Variants in RBFOX1 observed in about 807,000 individuals in gnomAD.
RBFOX1 encodes the protein RNA binding fox-1 homolog 1, also known as RNA binding protein fox-1 homolog 1.
In RBFOX1, 8 loss-of-function variants were observed where a neutral mutation model predicts 57.7. The ratio of observed to expected loss-of-function variants is 0.14; its 90% CI spans 0.08 to 0.25. The LOEUF (loss-of-function observed/expected upper bound fraction) is 0.25. RBFOX1 is among the 10% of genes least tolerant of loss of function. The pLI is 1.00. For synonymous variants in RBFOX1, 326 were observed against 222.4 expected (o/e 1.47, Z -4.15); for missense variants, 611 against 548.5 (o/e 1.11, Z -1.14).
chr16:6,941,490 C>G (rs752578113), intron 3 of RBFOX1, among the ~76,000 whole-genome samples: 2 of 151,976 alleles, frequency 1.3e-5, no homozygotes, highest in Non-Finnish European at 2.9e-5. Context: ...AACTTTTGAT[C>G]TATTCTTTCT....
rs371218778 is a variant in RBFOX1, at chr16:6,430,121, A to C, written c.-64+113064A>C. On this transcript the variant is annotated intron_variant, in intron 2 of 15. Coordinates refer to ENST00000550418, the MANE Select transcript of RBFOX1 (RefSeq NM_018723.4). Reference sequence around the variant, plus strand: ...GAAACTCCATCTCAAGAAGAAAAAAAAAAAACAGAAAAACAAACAGAAAAA... The same window carrying C: ...GAAACTCCATCTCAAGAAGAAAAAACAAAAACAGAAAAACAAACAGAAAAA... Among the ~76,000 whole-genome samples the C allele has an allele frequency of 2.6e-5, 4 of 151,654 alleles. No homozygotes were observed. In the South Asian group the frequency reaches 6.2e-4, roughly 24 times the overall value.
intron 3 of RBFOX1, among the ~76,000 whole-genome samples, chr16:6,964,502 A>G (rs2083680127): frequency 6.6e-6 from 1 of 151,952 alleles, no homozygotes; most frequent in Non-Finnish European, 1.5e-5. Flanking sequence ...AACAAATTGC[A>G]CCTCTGGTAG....
chr16:6,728,971 G>A (rs765477059), intron 3 of RBFOX1, among the ~76,000 whole-genome samples: 3 of 152,172 alleles, frequency 2.0e-5, no homozygotes, highest in Admixed American at 6.5e-5. Flanking sequence ...AGTCAAAGTA[G>A]TGTCACTTTA....
At chr16:7,248,746 A>G (rs1306190425) in intron 4 of RBFOX1, among the ~76,000 whole-genome samples, 1 of 152,208 alleles carries the variant, frequency 6.6e-6, no homozygotes, top group Non-Finnish European at 1.5e-5. Flanking sequence ...AATTAGCATT[A>G]TCATTAATTG....
chr16:7,540,700 CTTG>C (rs1270348592), intron 5 of RBFOX1, among the ~76,000 whole-genome samples: 1 of 152,160 alleles, frequency 6.6e-6, no homozygotes, highest in Non-Finnish European at 1.5e-5. Context: ...GTTGTCTCTT[CTTG>C]AATGAGAAAT....
intron 4 of RBFOX1, among the ~76,000 whole-genome samples, chr16:7,267,599 A>G (rs978015407): frequency 3.3e-5 from 5 of 151,226 alleles, no homozygotes; most frequent in African/African-American, 7.3e-5. Flanking sequence ...TCATGTCTGT[A>G]ATCGTAGTAC....
intron 4 of RBFOX1, among the ~76,000 whole-genome samples, chr16:7,349,051 A>G (rs1234760155): frequency 6.6e-6 from 1 of 152,214 alleles, no homozygotes; most frequent in Non-Finnish European, 1.5e-5. Flanking sequence ...AAATGGGGAC[A>G]TTGAAAAATG....
intron 1 of RBFOX1, among the ~76,000 whole-genome samples, chr16:5,338,837 G>T (rs1042528872): frequency 6.6e-6 from 1 of 151,978 alleles, no homozygotes; most frequent in Non-Finnish European, 1.5e-5. Flanking sequence ...TTTTGTATAG[G>T]TTGGGGTCTT....
intron 4 of RBFOX1, among the ~76,000 whole-genome samples, chr16:7,429,028 C>T (rs933695203): frequency 1.6e-4 from 25 of 152,220 alleles, no homozygotes; most frequent in Admixed American, 1.4e-3. Flanking sequence ...TACTGTGAGA[C>T]GTCCACACTG....
chr16:7,166,865 G>A (rs9926694), intron 4 of RBFOX1, among the ~76,000 whole-genome samples: 9 of 151,450 alleles, frequency 5.9e-5, no homozygotes, highest in Non-Finnish European at 1.2e-4. Context: ...CAGGATCCAC[G>A]CTGGGGACTG....
At chr16:5,510,428 T>A (rs1281063891) in intron 2 of RBFOX1, among the ~76,000 whole-genome samples, 1 of 151,930 alleles carries the variant, frequency 6.6e-6, no homozygotes, top group East Asian at 1.9e-4. Flanking sequence ...TCTCGTGGAG[T>A]TGGCACTGGT....
At chr16:7,590,403 T>C (rs2094381104) in intron 7 of RBFOX1, among the ~76,000 whole-genome samples, 1 of 152,182 alleles carries the variant, frequency 6.6e-6, no homozygotes, top group South Asian at 2.1e-4. Flanking sequence ...AATCCACATT[T>C]TAAAGAGATG....
chr16:7,222,242 T>G (rs2152856847), intron 4 of RBFOX1, among the ~76,000 whole-genome samples: 1 of 152,328 alleles, frequency 6.6e-6, no homozygotes, highest in Admixed American at 6.5e-5. Flanking sequence ...TTTGCTCTTG[T>G]TTACTTTACA....
intron 2 of RBFOX1, among the ~76,000 whole-genome samples, chr16:5,510,975 T>G (rs2043564014): frequency 6.6e-6 from 1 of 152,220 alleles, no homozygotes. Flanking sequence ...ATAATCCACA[T>G]GACTATTATT....
At chr16:7,387,764 A>T (rs532411846) in intron 4 of RBFOX1, among the ~76,000 whole-genome samples, 1 of 152,170 alleles carries the variant, frequency 6.6e-6, no homozygotes, top group Non-Finnish European at 1.5e-5. Context: ...TCCCATGAAC[A>T]GCAAAGCCCC....
At position 6,074,537 on chromosome 16, in the gene RBFOX1, A is replaced by G. The variant is rs529838346; in HGVS notation, c.-127+54545A>G. Among the ~76,000 whole-genome samples, 4 of 152,308 alleles carry G rather than the reference A, an allele frequency of 2.6e-5. No homozygotes were observed. The South Asian group carries it at 8.3e-4, about 32-fold the overall frequency. On this transcript the variant is annotated intron_variant, in intron 1 of 15. Coordinates refer to ENST00000550418, the MANE Select transcript of RBFOX1 (RefSeq NM_018723.4). Reference sequence around the variant, plus strand: ...CAAATATCTATGATGCTTGTTAAAGACAGAATGAAAGACTTTACTCAAGAG... The same window carrying G: ...CAAATATCTATGATGCTTGTTAAAGGCAGAATGAAAGACTTTACTCAAGAG...
chr16:6,352,101 G>C (rs959863044), intron 2 of RBFOX1, among the ~76,000 whole-genome samples: 1 of 152,134 alleles, frequency 6.6e-6, no homozygotes, highest in African/African-American at 2.4e-5. Flanking sequence ...GTACAATTGA[G>C]AGTTTGTAGA....
At chr16:5,724,310 G>C (rs952722274) in intron 3 of RBFOX1, among the ~76,000 whole-genome samples, 4 of 152,166 alleles carry the variant, frequency 2.6e-5, no homozygotes, top group African/African-American at 9.7e-5. Flanking sequence ...TAAAGGCACG[G>C]TGGGATTGTC....
rs147090762 is a variant in RBFOX1 at position 6,362,222 on chromosome 16, C to T, written c.-64+45165C>T. Among the ~76,000 whole-genome samples the T allele has an allele frequency of 9.9e-3, 1,463 of 147,790 alleles. 19 individuals are homozygous for T. The highest frequency in any genetic ancestry group is 0.034 in the African/African-American group (1,376 of 40,686). On this transcript the variant is annotated intron_variant, in intron 2 of 15. Transcript: ENST00000550418. ...TTAAATTACTAAAATTTGATGTAATCGATGCATATCACATCTATTTGTGAA... is the reference window on the plus strand; with the variant it reads ...TTAAATTACTAAAATTTGATGTAATTGATGCATATCACATCTATTTGTGAA...
Sources: gnomAD v4.1 joint callset for allele counts (sites outside exome capture counted in the v4.1 genomes callset) on GRCh38, gnomAD v4.1.1 for gene constraint, MANE v1.5 for transcripts, NCBI Gene and HGNC (gene_info 2026-07-23, HGNC 2026-07-21) for gene names.